XYLT1: variants seen among roughly 807,000 people sequenced by gnomAD.
XYLT1 encodes the protein xylosyltransferase 1, also known as beta-D-xylosyltransferase 1.
Under a neutral mutation model 91.3 loss-of-function variants are expected in XYLT1, and 36 were observed. The ratio of observed to expected loss-of-function variants is 0.39; its 90% CI spans 0.30 to 0.52. XYLT1 has a LOEUF of 0.52. XYLT1 is among the 20% of genes least tolerant of loss of function. XYLT1 has a pLI of 0.68. For missense variants in XYLT1, 1,242 were observed against 1,284.5 expected, an observed-to-expected ratio of 0.97 and a Z score of 0.51; for synonymous variants, 588 against 532.0, an observed-to-expected ratio of 1.11 and a Z score of -1.45.
intron 2 of XYLT1, among the ~76,000 whole-genome samples, chr16:17,328,548 C>CAAAAAAAAAAA (rs71373105): frequency 5.5e-4 from 28 of 51,244 alleles, no homozygotes; most frequent in Admixed American, 1.0e-3. Context: ...GACTCCTTCT[C>CAAAAAAAAAAA]AAAAAAAAAA....
chr16:17,374,691 ATC>A (rs905759642), intron 1 of XYLT1, among the ~76,000 whole-genome samples: 4 of 152,206 alleles, frequency 2.6e-5, no homozygotes, highest in Admixed American at 6.5e-5. Flanking sequence ...GTCAAAAAAA[ATC>A]TTTTTTCTGT....
chr16:17,389,731 A>G (rs1027148688), intron 1 of XYLT1, among the ~76,000 whole-genome samples: 4 of 152,206 alleles, frequency 2.6e-5, no homozygotes, highest in Admixed American at 2.6e-4. Context: ...CACCACTGCA[A>G]TCCATCCAAG....
intron 10 of XYLT1, among the ~76,000 whole-genome samples, chr16:17,122,884 G>A (rs1025085448): frequency 1.3e-5 from 2 of 152,124 alleles, no homozygotes; most frequent in African/African-American, 4.8e-5. Context: ...TTGAAGATCA[G>A]TAAGTATTTG....
intron 2 of XYLT1, among the ~76,000 whole-genome samples, chr16:17,266,420 T>C (rs540342394): frequency 5.7e-4 from 87 of 152,326 alleles, no homozygotes; most frequent in South Asian, 1.0e-3. Context: ...TTAATCTCCA[T>C]GATGAGCTGA....
chr16:17,261,499 C>G, intron 2 of XYLT1, among the ~76,000 whole-genome samples: 1 of 152,182 alleles, frequency 6.6e-6, no homozygotes, highest in Admixed American at 6.5e-5. Flanking sequence ...ACCCCACACT[C>G]TGGGCTACCA....
At chr16:17,347,810 T>G (rs2035164694) in intron 2 of XYLT1, among the ~76,000 whole-genome samples, 2 of 152,136 alleles carry the variant, frequency 1.3e-5, no homozygotes, top group Non-Finnish European at 2.9e-5. Flanking sequence ...AAGAGATTCT[T>G]TATAAGGAAA....
intron 6 of XYLT1, among the ~76,000 whole-genome samples, chr16:17,143,176 C>G (rs1052466191): frequency 6.6e-6 from 1 of 152,142 alleles, no homozygotes; most frequent in Non-Finnish European, 1.5e-5. Context: ...TTGGGCCAAA[C>G]GCTCAGTCCA....
At chr16:17,300,298 A>G (rs540534214) in intron 2 of XYLT1, among the ~76,000 whole-genome samples, 75 of 152,328 alleles carry the variant, frequency 4.9e-4, no homozygotes, top group Admixed American at 4.8e-3. Flanking sequence ...ATTTAAGCAA[A>G]ATGATATGCG....
chr16:17,464,657 AT>A (rs909053888), intron 1 of XYLT1, among the ~76,000 whole-genome samples: 2 of 152,176 alleles, frequency 1.3e-5, no homozygotes, highest in African/African-American at 4.8e-5. Flanking sequence ...ATGTCAAACT[AT>A]TATATATCCA....
chr16:17,192,973 T>C (rs1041729211), intron 5 of XYLT1: 1 of 151,942 alleles, frequency 6.6e-6, no homozygotes, highest in Non-Finnish European at 1.5e-5. Context: ...CAACCATGCC[T>C]GGCTAATTTT....
intron 1 of XYLT1, among the ~76,000 whole-genome samples, chr16:17,407,193 G>C (rs1209523719): frequency 6.6e-6 from 1 of 152,092 alleles, no homozygotes; most frequent in Non-Finnish European, 1.5e-5. Context: ...GAGAGATGGG[G>C]TTTCGCCATG....
At chr16:17,109,077 T>A in intron 11 of XYLT1, 60 bp from the exon 12 acceptor site, 1 of 1,459,222 alleles carries the variant, frequency 6.9e-7, no homozygotes, top group Admixed American at 2.4e-5. Context: ...TGCCTATTCA[T>A]ACTTACCCTG....
chr16:17,182,286 G>A (rs564227770), intron 5 of XYLT1, among the ~76,000 whole-genome samples: 8 of 152,294 alleles, frequency 5.3e-5, no homozygotes, highest in Middle Eastern at 3.4e-3. Context: ...AGACTGGAAA[G>A]TCCAAAGTGC....
chr16:17,300,378 T>C lies in XYLT1; in HGVS notation c.403-40880A>G, dbSNP rs1364256972. On this transcript the variant is annotated intron_variant, in intron 2 of 11. Coordinates refer to ENST00000261381, the MANE Select transcript of XYLT1 (RefSeq NM_022166.4). ...GAAACCACTTCAGCCTCAGCAGTTGTGGTATGGTTAAATAAACCATGCTAT... is the reference window on the plus strand; with the variant it reads ...GAAACCACTTCAGCCTCAGCAGTTGCGGTATGGTTAAATAAACCATGCTAT... Among the ~76,000 whole-genome samples the C allele has an allele frequency of 3.9e-5, 6 of 151,902 alleles. No homozygotes were observed. The East Asian group carries it at 1.2e-3, about 29-fold the overall frequency.
intron 3 of XYLT1, among the ~76,000 whole-genome samples, chr16:17,251,598 CAG>C (rs1360980154): frequency 6.6e-6 from 1 of 152,206 alleles, no homozygotes; most frequent in East Asian, 1.9e-4. Flanking sequence ...ACTCAAGACA[CAG>C]AGAGGCTGGT....
intron 1 of XYLT1, among the ~76,000 whole-genome samples, chr16:17,445,492 G>T (rs760268512): frequency 1.3e-5 from 2 of 152,218 alleles, no homozygotes; most frequent in Non-Finnish European, 2.9e-5. Flanking sequence ...GGAAGGCTGG[G>T]AGCCCTTCCT....
intron 8 of XYLT1, among the ~76,000 whole-genome samples, chr16:17,134,991 G>C (rs941768898): frequency 1.3e-5 from 2 of 152,160 alleles, no homozygotes; most frequent in Admixed American, 1.3e-4. Context: ...GCATCATTTA[G>C]ATGTCTGTTA....
intron 3 of XYLT1, among the ~76,000 whole-genome samples, chr16:17,233,103 T>A (rs2033193550): frequency 6.6e-6 from 1 of 152,030 alleles, no homozygotes; most frequent in African/African-American, 2.4e-5. Flanking sequence ...CATGTTGACA[T>A]CAAATAGGGT....
At chr16:17,407,470 T>C (rs1331152560) in intron 1 of XYLT1, among the ~76,000 whole-genome samples, 3 of 152,174 alleles carry the variant, frequency 2.0e-5, no homozygotes, top group African/African-American at 4.8e-5. Flanking sequence ...ATCCTCTATA[T>C]ATTTTATAGA....
Sources: gnomAD v4.1 joint callset for allele counts (sites outside exome capture counted in the v4.1 genomes callset) on GRCh38, gnomAD v4.1.1 for gene constraint, MANE v1.5 for transcripts, NCBI Gene and HGNC (gene_info 2026-07-23, HGNC 2026-07-21) for gene names.